MYO3B: variants seen among roughly 807,000 people sequenced by gnomAD.
MYO3B encodes the protein myosin IIIB, also known as myosin-IIIb.
MYO3B carries 156 observed loss-of-function variants against 174.6 expected under a neutral mutation model. The observed-to-expected ratio is 0.89, with a 90% CI of 0.78 to 1.02. The LOEUF (loss-of-function observed/expected upper bound fraction) is 1.02. MYO3B is among the 50% of genes least tolerant of loss of function. The probability of loss-of-function intolerance (pLI) is 0.00; values close to 1 mark genes in which losing one functional copy is unlikely to be tolerated. For synonymous variants in MYO3B, 563 were observed against 569.1 expected, an observed-to-expected ratio of 0.99 and a Z score of 0.15; for missense variants, 1,632 against 1,639.4, an observed-to-expected ratio of 1.00 and a Z score of 0.08.
intron 25 of MYO3B, among the ~76,000 whole-genome samples, chr2:170,494,003 G>A (rs1346196897): frequency 6.6e-6 from 1 of 152,220 alleles, no homozygotes; most frequent in Non-Finnish European, 1.5e-5. Context: ...GAGACCCTGG[G>A]CCAGAAATAA....
chr2:170,647,723 A>G (rs534854952), intron 32 of MYO3B, among the ~76,000 whole-genome samples: 1 of 152,358 alleles, frequency 6.6e-6, no homozygotes, highest in South Asian at 2.1e-4. Context: ...AGAACATTCT[A>G]TCCAATAACT....
intron 22 of MYO3B, chr2:170,412,348 A>C (rs1268329101): frequency 6.6e-6 from 1 of 152,200 alleles, no homozygotes; most frequent in Non-Finnish European, 1.5e-5. Context: ...TGAACTTGGG[A>C]GAAACTAGGA....
intron 1 of MYO3B, among the ~76,000 whole-genome samples, chr2:170,181,927 TAG>T (rs1461991990): frequency 2.0e-5 from 3 of 151,978 alleles, no homozygotes; most frequent in Non-Finnish European, 4.4e-5. Context: ...GACAGTGTGA[TAG>T]GAGACAAATG....
intron 23 of MYO3B, among the ~76,000 whole-genome samples, chr2:170,449,978 T>C (rs1683496168): frequency 6.6e-6 from 1 of 152,120 alleles, no homozygotes; most frequent in Non-Finnish European, 1.5e-5. Context: ...TAAACTGCCT[T>C]CTGAAAAGGA....
rs1699147454 is a variant in MYO3B at position 170,653,817 on chromosome 2, TGAAAA to T, written c.*701_*705del. 1 of 152,192 alleles carries T rather than the reference TGAAAA, an allele frequency of 6.6e-6. No homozygotes were observed. Among genetic ancestry groups the T allele is most frequent in the African/African-American group, 2.4e-5 (1 of 41,430 alleles). 9.4% of individuals were successfully genotyped at this position (152,192 alleles called of 1,614,324 possible). ...CAAGACACCCACACTACTTTGGTGA[TGAAAA>T]GAAAGGAATGAGAGGGAAAGTTTGG... On this transcript the variant is annotated 3_prime_UTR_variant, in exon 35 of 35. Transcript: ENST00000408978.
intron 24 of MYO3B, among the ~76,000 whole-genome samples, chr2:170,463,984 T>TAAAG (rs1684462973): frequency 1.3e-5 from 2 of 152,218 alleles, no homozygotes. Context: ...GATTTGTTTG[T>TAAAG]CTTCAAATTA....
intron 7 of MYO3B, among the ~76,000 whole-genome samples, chr2:170,254,939 C>T (rs778631813): frequency 6.6e-6 from 1 of 152,162 alleles, no homozygotes; most frequent in Admixed American, 6.5e-5. Flanking sequence ...TGGGCCTGCT[C>T]CTGGGGCAGA....
intron 22 of MYO3B, chr2:170,408,645 C>G (rs1040372975): frequency 6.6e-6 from 1 of 151,596 alleles, no homozygotes; most frequent in Non-Finnish European, 1.5e-5. Flanking sequence ...GAAGAGAAAC[C>G]TTTTTATCAC....
intron 28 of MYO3B, among the ~76,000 whole-genome samples, chr2:170,510,856 C>T (rs1313811043): frequency 1.3e-5 from 2 of 152,078 alleles, no homozygotes; most frequent in Non-Finnish European, 2.9e-5. Context: ...TTGAGTCTGG[C>T]TTTTTTCACT....
intron 3 of MYO3B, among the ~76,000 whole-genome samples, chr2:170,208,681 G>A (rs368896629): frequency 4.3e-4 from 65 of 152,238 alleles, no homozygotes; most frequent in South Asian, 3.7e-3. Flanking sequence ...AATGACAAAT[G>A]TATGGTAAGT....
chr2:170,318,839 C>T (rs1399644826), intron 7 of MYO3B, among the ~76,000 whole-genome samples: 1 of 151,950 alleles, frequency 6.6e-6, no homozygotes. Flanking sequence ...TGTCATGTGT[C>T]GAAATCTCAC....
At chr2:170,198,620 G>T (rs2092626758) in intron 1 of MYO3B, among the ~76,000 whole-genome samples, 1 of 152,208 alleles carries the variant, frequency 6.6e-6, no homozygotes, top group Non-Finnish European at 1.5e-5. Flanking sequence ...CTATATTTCA[G>T]TAAGCAAGAA....
rs148109147 is a variant in MYO3B, at chr2:170,650,645, T to C, written c.3734-983T>C. Among the ~76,000 whole-genome samples, 367 of 150,720 alleles carry C rather than the reference T, an allele frequency of 2.4e-3. 3 individuals are homozygous for C. The highest frequency in any genetic ancestry group is 8.7e-3 in the African/African-American group (358 of 41,062). On this transcript the variant is annotated intron_variant, in intron 32 of 34. Coordinates refer to ENST00000408978, the MANE Select transcript of MYO3B (RefSeq NM_138995.5). ...AAAGGACAGTAGATCCAAAAAATCA[T>C]TTGCTTGGAAGGGAAATGAATTATG...
chr2:170,606,379 C>T (rs1428561762), intron 32 of MYO3B, among the ~76,000 whole-genome samples: 2 of 152,206 alleles, frequency 1.3e-5, no homozygotes, highest in African/African-American at 2.4e-5. Flanking sequence ...TTGCATTATG[C>T]TGTCCCCTCA....
intron 32 of MYO3B, among the ~76,000 whole-genome samples, chr2:170,554,839 T>C (rs1306481078): frequency 1.3e-5 from 2 of 152,166 alleles, no homozygotes; most frequent in African/African-American, 4.8e-5. Flanking sequence ...GCTTCCAAGA[T>C]TGGATGTTGA....
chr2:170,488,897 T>C (rs138318029), intron 25 of MYO3B, among the ~76,000 whole-genome samples: 120 of 152,304 alleles, frequency 7.9e-4, no homozygotes, highest in African/African-American at 2.7e-3. Flanking sequence ...AGAATATTCT[T>C]TGGATCCCTC....
intron 7 of MYO3B, among the ~76,000 whole-genome samples, chr2:170,254,968 TTTGGGAAGAGA>T (rs2093291217): frequency 6.6e-6 from 1 of 152,088 alleles, no homozygotes; most frequent in Non-Finnish European, 1.5e-5. Context: ...GGAGATCTGG[TTTGGGAAGAGA>T]GAGCTGGGCA....
chr2:170,518,006 TG>T (rs1688430351), intron 29 of MYO3B, among the ~76,000 whole-genome samples: 3 of 152,134 alleles, frequency 2.0e-5, no homozygotes, highest in African/African-American at 7.2e-5. Flanking sequence ...TGTGTGTGTG[TG>T]TGTGTGTAAT....
chr2:170,589,421 G>T (rs915897122), intron 32 of MYO3B, among the ~76,000 whole-genome samples: 2 of 152,180 alleles, frequency 1.3e-5, no homozygotes, highest in African/African-American at 4.8e-5. Context: ...ACAGATCCGT[G>T]CATATTCTTG....
Sources: gnomAD v4.1 joint callset for allele counts (sites outside exome capture counted in the v4.1 genomes callset) on GRCh38, gnomAD v4.1.1 for gene constraint, MANE v1.5 for transcripts, NCBI Gene and HGNC (gene_info 2026-07-23, HGNC 2026-07-21) for gene names.